ZZEF1: variants seen among roughly 807,000 people sequenced by gnomAD.
ZZEF1 encodes zinc finger ZZ-type and EF-hand domain-containing protein 1.
Under a neutral mutation model 342.8 loss-of-function variants are expected in ZZEF1, and 157 were observed. The observed-to-expected ratio is 0.46, with a 90% CI of 0.40 to 0.52. The LOEUF is 0.52. Ranked by LOEUF, ZZEF1 falls within the 20% of genes least tolerant of loss-of-function variation. The pLI, the probability that ZZEF1 is intolerant of heterozygous loss-of-function variation, is 0.00. For synonymous variants in ZZEF1, 1,505 were observed against 1,429.1 expected (o/e 1.05, Z -1.20); for missense variants, 3,480 against 3,725.6 (o/e 0.93, Z 1.72).
intron 1 of ZZEF1, among the ~76,000 whole-genome samples, chr17:4,137,338 C>T (rs912896253): frequency 2.6e-5 from 4 of 152,232 alleles, no homozygotes; most frequent in Admixed American, 1.3e-4. Flanking sequence ...CGGCCAGGTG[C>T]GATGGCTCAT....
At position 4,071,770 on chromosome 17, in the gene ZZEF1, T is replaced by C. The variant is rs145519833; in HGVS notation, c.3834+838A>G. ...TTCTGAGTTAAGGGGAGTCAGGACATTTAAATGGAAATGCCTCACAGGAAG... is the reference window on the plus strand; with the variant it reads ...TTCTGAGTTAAGGGGAGTCAGGACACTTAAATGGAAATGCCTCACAGGAAG... On this transcript the variant is annotated intron_variant, in intron 25 of 54. Coordinates refer to ENST00000381638, the MANE Select transcript of ZZEF1 (RefSeq NM_015113.4). 1.3e-3 allele frequency among the ~76,000 whole-genome samples: 195 copies of C among 152,172 alleles called. 2 individuals are homozygous for C. In the East Asian group the frequency reaches 0.032, roughly 25 times the overall value.
intron 1 of ZZEF1, among the ~76,000 whole-genome samples, chr17:4,127,966 G>A (rs2058598801): frequency 6.6e-6 from 1 of 152,196 alleles, no homozygotes; most frequent in Non-Finnish European, 1.5e-5. Flanking sequence ...AGAGCAACCA[G>A]CTTTTTAGTC....
chr17:4,078,713 G>A (rs2057669110), intron 18 of ZZEF1, among the ~76,000 whole-genome samples: 1 of 152,208 alleles, frequency 6.6e-6, no homozygotes, highest in South Asian at 2.1e-4. Context: ...TTGCCACATT[G>A]TTGCAACTAC....
chr17:4,091,147 T>C (rs2057936107), intron 11 of ZZEF1, among the ~76,000 whole-genome samples: 2 of 152,226 alleles, frequency 1.3e-5, no homozygotes, highest in Admixed American at 6.5e-5. Context: ...TAAGGTCCAA[T>C]GCAACAGCTG....
intron 38 of ZZEF1, among the ~76,000 whole-genome samples, chr17:4,043,344 G>A (rs1298109437): frequency 6.6e-6 from 1 of 152,218 alleles, no homozygotes; most frequent in Non-Finnish European, 1.5e-5. Context: ...AGACTCCAGT[G>A]AATTTTGATG....
chr17:4,013,260 C>T (rs947727823), intron 52 of ZZEF1, among the ~76,000 whole-genome samples, 189 bp downstream of exon 52: 6 of 152,104 alleles, frequency 3.9e-5, no homozygotes, highest in Non-Finnish European at 8.8e-5. Context: ...TCATGACCTT[C>T]GAGTAAGGCA....
chr17:4,099,379 A>C (rs1016132223), intron 9 of ZZEF1, among the ~76,000 whole-genome samples: 1 of 151,514 alleles, frequency 6.6e-6, no homozygotes, highest in Admixed American at 6.6e-5. Flanking sequence ...CACCATGCCC[A>C]GCTAATTTTT....
chr17:4,112,318 G>A (rs965760434), intron 5 of ZZEF1, among the ~76,000 whole-genome samples: 6 of 150,960 alleles, frequency 4.0e-5, no homozygotes, highest in Non-Finnish European at 7.4e-5. Flanking sequence ...GATAATTTTT[G>A]TATTTTTAGT....
At chr17:4,051,809 G>A (rs1179871336) in intron 35 of ZZEF1, among the ~76,000 whole-genome samples, 162 bp downstream of exon 35, 1 of 150,656 alleles carries the variant, frequency 6.6e-6, no homozygotes, top group African/African-American at 2.4e-5. Context: ...TGCTGAACCT[G>A]GGTAATGGGT....
intron 1 of ZZEF1, among the ~76,000 whole-genome samples, chr17:4,137,086 A>G (rs1435114384): frequency 1.3e-5 from 2 of 152,068 alleles, no homozygotes; most frequent in Non-Finnish European, 2.9e-5. Flanking sequence ...TAGAAGGTAT[A>G]AGAGTGTAAA....
intron 35 of ZZEF1, among the ~76,000 whole-genome samples, chr17:4,051,318 T>C (rs1383754981): frequency 6.6e-6 from 1 of 152,114 alleles, no homozygotes; most frequent in Non-Finnish European, 1.5e-5. Flanking sequence ...TTTTGGAAGG[T>C]GTGGTAATAG....
chr17:4,104,379 G>A (rs185804725), intron 8 of ZZEF1, among the ~76,000 whole-genome samples: 4 of 152,108 alleles, frequency 2.6e-5, no homozygotes, highest in African/African-American at 7.2e-5. Flanking sequence ...GCAGATCATG[G>A]GAGTATAGCC....
In ZZEF1 at chr17:4,016,797, C is replaced by T. The variant is rs535172081; in HGVS notation, c.8002-331G>A. On this transcript the variant is annotated intron_variant, in intron 48 of 54. Transcript: ENST00000381638. This position sits in a 1 kb window ranked among gnomAD's most constrained non-coding sequence, Gnocchi z 4.4. ...GGCCTATGGATAAATAATGACCACACAATGTAATCGATGCCTGGAGTGAGG... is the reference window on the plus strand; with the variant it reads ...GGCCTATGGATAAATAATGACCACATAATGTAATCGATGCCTGGAGTGAGG... The T allele has an allele frequency of 1.2e-3, 307 of 248,560 alleles. No homozygotes were observed. The highest frequency in any genetic ancestry group is 2.0e-3 in the Non-Finnish European group (254 of 128,832). The allele number at this position is 248,560 out of a possible 1,614,324, so 15.4% of individuals were successfully genotyped here.
chr17:4,097,477 GAAAAAAAAA>G (rs1174680383), intron 9 of ZZEF1, among the ~76,000 whole-genome samples: 3 of 13,858 alleles, frequency 2.2e-4, no homozygotes, highest in African/African-American at 3.0e-4. Context: ...TTTGAAATGG[GAAAAAAAAA>G]AAAAAAAAAA....
At chr17:4,026,630 T>G (rs896680741) in intron 42 of ZZEF1, among the ~76,000 whole-genome samples, 1 of 151,676 alleles carries the variant, frequency 6.6e-6, no homozygotes, top group African/African-American at 2.4e-5. Context: ...CAAGTGATTC[T>G]CCTGCCTTGG....
intron 42 of ZZEF1, among the ~76,000 whole-genome samples, chr17:4,027,638 C>T (rs537966557): frequency 1.4e-5 from 2 of 141,736 alleles, no homozygotes; most frequent in Admixed American, 1.5e-4. Flanking sequence ...CCTGCTCTGT[C>T]ACCTAGGCTA....
At chr17:4,044,087 C>G (rs1474967696) in intron 38 of ZZEF1, 137 bp downstream of exon 38, 1 of 845,592 alleles carries the variant, frequency 1.2e-6, no homozygotes, top group African/African-American at 1.7e-5. Flanking sequence ...GTCATCAGCA[C>G]CATCTGAACA....
intron 1 of ZZEF1, among the ~76,000 whole-genome samples, chr17:4,136,320 G>C (rs951209223): frequency 7.1e-6 from 1 of 140,778 alleles, no homozygotes; most frequent in Admixed American, 7.2e-5. Flanking sequence ...TTCCAGCCTG[G>C]GCGACAGAGT....
chr17:4,053,901 TGAG>T (rs2057102246), intron 34 of ZZEF1, among the ~76,000 whole-genome samples, 153 bp downstream of exon 34: 1 of 152,134 alleles, frequency 6.6e-6, no homozygotes, highest in African/African-American at 2.4e-5. Context: ...TTCATTTAGT[TGAG>T]GAGATAAGGC....
Sources: gnomAD v4.1 joint callset for allele counts (sites outside exome capture counted in the v4.1 genomes callset) on GRCh38, gnomAD v4.1.1 for gene constraint, Gnocchi (gnomAD v3.1) non-coding constraint, MANE v1.5 for transcripts, NCBI Gene and HGNC (gene_info 2026-07-23, HGNC 2026-07-21) for gene names.